DNAH14: variants seen among roughly 807,000 people sequenced by gnomAD.
DNAH14 encodes axonemal beta dynein heavy chain 14.
Under a neutral mutation model 520.9 loss-of-function variants are expected in DNAH14, and 478 were observed. That is an observed-to-expected ratio of 0.92 (90% CI 0.85 to 0.99). DNAH14 has a LOEUF of 0.99. Ranked by LOEUF, DNAH14 falls within the 50% of genes least tolerant of loss-of-function variation. The pLI is 0.00. For synonymous variants in DNAH14, 1,581 were observed against 1,757.2 expected (o/e 0.90, Z 2.51); for missense variants, 4,831 against 5,234.5 (o/e 0.92, Z 2.38).
At position 225,360,679 on chromosome 1, in the gene DNAH14, A is replaced by G. The variant is rs984710416; in HGVS notation, c.11777-2A>G. 1.7e-4 allele frequency: 268 copies of G among 1,551,200 alleles called. No individual in the cohort carries two copies. The highest frequency in any genetic ancestry group is 2.2e-4 in the Non-Finnish European group (256 of 1,146,648). ...TATATACCTCTCCACGTTGTTATAC[A>G]GGGATCGACCTTACCAATATCCTCC... On this transcript the variant is annotated splice_acceptor_variant, in intron 74 of 85. Coordinates refer to ENST00000682510, the MANE Select transcript of DNAH14 (RefSeq NM_001367479.1). LOFTEE classifies it high-confidence loss of function.
chr1:225,215,240 G>C (rs1457622923), intron 41 of DNAH14, among the ~76,000 whole-genome samples: 1 of 152,146 alleles, frequency 6.6e-6, no homozygotes, highest in East Asian at 1.9e-4. Context: ...TTAATCCTGA[G>C]TTGTAATTTG....
chr1:225,335,244 T>C (rs899317777), intron 66 of DNAH14, among the ~76,000 whole-genome samples: 7 of 118,854 alleles, frequency 5.9e-5, no homozygotes, highest in African/African-American at 1.4e-4. Context: ...CATGTGTACA[T>C]TGTGTGTATA....
chr1:225,196,779 T>G (rs1033943707), intron 38 of DNAH14, among the ~76,000 whole-genome samples: 3 of 152,222 alleles, frequency 2.0e-5, no homozygotes, highest in African/African-American at 7.2e-5. Flanking sequence ...GTTGAGCATT[T>G]TTTCATGTTT....
intron 8 of DNAH14, among the ~76,000 whole-genome samples, chr1:224,996,614 G>C (rs1046456406): frequency 1.3e-5 from 2 of 152,146 alleles, no homozygotes; most frequent in Non-Finnish European, 1.5e-5. Flanking sequence ...AGGGAAGCTG[G>C]CTGGGCTCTA....
chr1:225,195,459 A>G (rs1465072002), intron 38 of DNAH14, among the ~76,000 whole-genome samples: 5 of 152,056 alleles, frequency 3.3e-5, no homozygotes, highest in African/African-American at 7.2e-5. Flanking sequence ...AACATTGACT[A>G]CACATGGATA....
chr1:225,203,647 TA>T, intron 38 of DNAH14, among the ~76,000 whole-genome samples: 1 of 152,300 alleles, frequency 6.6e-6, no homozygotes, highest in African/African-American at 2.4e-5. Context: ...AAGGTTGGTG[TA>T]AAAATGACAT....
At chr1:225,050,069 C>T in intron 15 of DNAH14, 141 bp from the exon 16 acceptor site, 1 of 684,236 alleles carries the variant, frequency 1.5e-6, no homozygotes, top group South Asian at 3.5e-5. Flanking sequence ...TTTTTAAATT[C>T]CAGTTATAAA....
At chr1:225,106,969 C>T (rs1356416862) in intron 23 of DNAH14, among the ~76,000 whole-genome samples, 3 of 152,116 alleles carry the variant, frequency 2.0e-5, no homozygotes, top group Non-Finnish European at 2.9e-5. Context: ...TTTAGAGTTT[C>T]CATTTTTTCT....
intron 27 of DNAH14, among the ~76,000 whole-genome samples, chr1:225,140,331 A>G (rs2079323713): frequency 6.6e-6 from 1 of 152,208 alleles, no homozygotes; most frequent in African/African-American, 2.4e-5. Flanking sequence ...GTTATGTATG[A>G]CAAGAGTGGG....
At chr1:225,047,626 C>T (rs1176761786) in intron 15 of DNAH14, among the ~76,000 whole-genome samples, 1 of 152,210 alleles carries the variant, frequency 6.6e-6, no homozygotes, top group African/African-American at 2.4e-5. Flanking sequence ...TAAGGACACA[C>T]TTCTCAGAAT....
chr1:225,024,092 A>G (rs74799385), intron 11 of DNAH14: 81,117 of 1,137,272 alleles, frequency 0.071, 3,120 homozygotes, highest in Non-Finnish European at 0.077. Flanking sequence ...ATAAATGGTA[A>G]ATAATTTTAG....
chr1:225,228,809 G>C (rs554459764), intron 41 of DNAH14, among the ~76,000 whole-genome samples: 11 of 152,220 alleles, frequency 7.2e-5, no homozygotes, highest in Admixed American at 6.5e-5. Flanking sequence ...GTAGGAGATT[G>C]GTCAGGATTG....
intron 60 of DNAH14, among the ~76,000 whole-genome samples, chr1:225,313,290 A>C (rs7515730): frequency 0.5 from 76,457 of 151,848 alleles, 20,748 homozygotes; most frequent in African/African-American, 0.7. Flanking sequence ...CAGTGGTGAG[A>C]TCCCCTTTAT....
chr1:225,291,923 T>G (rs1558287137), intron 55 of DNAH14, among the ~76,000 whole-genome samples: 1 of 152,018 alleles, frequency 6.6e-6, no homozygotes, highest in East Asian at 1.9e-4. Context: ...CAGGTTTTGT[T>G]TTGTTTTTCG....
intron 36 of DNAH14, among the ~76,000 whole-genome samples, chr1:225,172,745 C>CTGGTAA: frequency 6.6e-6 from 1 of 152,288 alleles, no homozygotes; most frequent in East Asian, 1.9e-4. Flanking sequence ...ACTTTCTTCA[C>CTGGTAA]AGAATTGGAA....
At chr1:225,032,909 C>T (rs1175176418) in intron 11 of DNAH14, among the ~76,000 whole-genome samples, 1 of 148,144 alleles carries the variant, frequency 6.8e-6, no homozygotes, top group African/African-American at 2.5e-5. Context: ...ATGTCCTTTG[C>T]CCACTTTTTA....
intron 41 of DNAH14, among the ~76,000 whole-genome samples, chr1:225,213,724 A>G (rs2088825722): frequency 6.6e-6 from 1 of 152,176 alleles, no homozygotes; most frequent in Non-Finnish European, 1.5e-5. Flanking sequence ...TTACTGGGGT[A>G]TAGGAATGCT....
intron 81 of DNAH14, among the ~76,000 whole-genome samples, chr1:225,385,361 T>G (rs1243534219): frequency 6.6e-6 from 1 of 152,122 alleles, no homozygotes; most frequent in Non-Finnish European, 1.5e-5. Flanking sequence ...TCAACATAGT[T>G]TTGGAAGTTT....
chr1:225,302,476 C>T (rs1006381562), intron 56 of DNAH14, among the ~76,000 whole-genome samples: 10 of 152,122 alleles, frequency 6.6e-5, no homozygotes, highest in African/African-American at 2.4e-4. Flanking sequence ...TAGACTCTGA[C>T]TTAAAGGGAA....
Sources: gnomAD v4.1 joint callset for allele counts (sites outside exome capture counted in the v4.1 genomes callset) on GRCh38, gnomAD v4.1.1 for gene constraint, MANE v1.5 for transcripts, NCBI Gene and HGNC (gene_info 2026-07-23, HGNC 2026-07-21) for gene names.